The following THEMIS variants were observed in gnomAD, a reference collection of about 807,000 sequenced individuals.
THEMIS encodes the protein thymocyte selection associated.
THEMIS carries 37 observed loss-of-function variants against 52.6 expected under a neutral mutation model. That is an observed-to-expected ratio of 0.70 (90% CI 0.54 to 0.93). The LOEUF is 0.93. Among genes scored for constraint, THEMIS ranks in the 40% least tolerant of loss-of-function variants. The pLI is 0.00. For missense variants in THEMIS, 808 were observed against 763.1 expected, an observed-to-expected ratio of 1.06 and a Z score of -0.69; for synonymous variants, 292 against 272.7, an observed-to-expected ratio of 1.07 and a Z score of -0.70.
At chr6:127,721,879 T>G (rs142494276) in intron 4 of THEMIS, among the ~76,000 whole-genome samples, 13 of 152,156 alleles carry the variant, frequency 8.5e-5, no homozygotes, top group Admixed American at 3.9e-4. Flanking sequence ...TCATGTTTGT[T>G]CATACCAAAT....
chr6:127,716,729 T>G (rs143842648), intron 5 of THEMIS, among the ~76,000 whole-genome samples: 1 of 151,672 alleles, frequency 6.6e-6, no homozygotes, highest in Non-Finnish European at 1.5e-5. Context: ...TGAAAACATT[T>G]CCACTTAACA....
chr6:127,790,435 A>G (rs967353455), intron 4 of THEMIS, among the ~76,000 whole-genome samples: 3 of 152,252 alleles, frequency 2.0e-5, no homozygotes, highest in African/African-American at 7.2e-5. Context: ...TTTATTTTAA[A>G]TAATGACATT....
At chr6:127,872,299 T>G (rs1780180718) in intron 1 of THEMIS, among the ~76,000 whole-genome samples, 1 of 151,924 alleles carries the variant, frequency 6.6e-6, no homozygotes, top group Non-Finnish European at 1.5e-5. Flanking sequence ...ACGCTGGGAG[T>G]GGTGGCTCAC....
chr6:127,764,100 C>A (rs757921565), intron 4 of THEMIS, among the ~76,000 whole-genome samples: 3 of 151,888 alleles, frequency 2.0e-5, no homozygotes, highest in African/African-American at 7.2e-5. Flanking sequence ...CAAGATATTT[C>A]GTATCAGAAA....
chr6:127,766,129 C>T lies in THEMIS; in HGVS notation c.1759-46306G>A, dbSNP rs183944366. On this transcript the variant is annotated intron_variant, in intron 4 of 5. Coordinates refer to ENST00000368248, the MANE Select transcript of THEMIS (RefSeq NM_001010923.3). ...ATATTTGAAATCGCTGTCTAATATTCTCTGTCCATGGTGCCTTAATATCAC... is the reference window on the plus strand; with the variant it reads ...ATATTTGAAATCGCTGTCTAATATTTTCTGTCCATGGTGCCTTAATATCAC... Among the ~76,000 whole-genome samples, 45 of 152,224 alleles carry T rather than the reference C, an allele frequency of 3.0e-4. 1 individual carries two copies. Among genetic ancestry groups the T allele is most frequent in the Admixed American group, 2.8e-3 (42 of 15,272 alleles).
intron 3 of THEMIS, 124 bp from the exon 4 acceptor site, chr6:127,814,055 T>G: frequency 1.2e-6 from 1 of 814,606 alleles, no homozygotes; most frequent in Non-Finnish European, 1.8e-6. Context: ...TCATCATATA[T>G]CATTTCTTAT....
intron 1 of THEMIS, among the ~76,000 whole-genome samples, chr6:127,865,196 A>G (rs542585683): frequency 9.2e-5 from 14 of 152,296 alleles, no homozygotes; most frequent in Non-Finnish European, 1.9e-4. Context: ...GGTGAAAAAC[A>G]AAACAAACAA....
At chr6:127,710,166 GA>G (rs77155033) in intron 5 of THEMIS, 150 bp from the exon 6 acceptor site, 40,856 of 335,570 alleles carry the variant, frequency 0.12, 338 homozygotes, top group Middle Eastern at 0.14. Flanking sequence ...GCAAAATAAA[GA>G]AAAAAAAAAA....
rs559517661 is a variant in THEMIS, at chr6:127,824,302, T to C, written c.709+5174A>G. ...CTGTAAGTGGGAGTGGTGAGATCTT[T>C]AGCTCTGTCCCCACGTAGCTCCAAT... On this transcript the variant is annotated intron_variant, in intron 3 of 5. Transcript: ENST00000368248. 2.0e-5 allele frequency among the ~76,000 whole-genome samples: 3 copies of C among 152,218 alleles called. No individual in the cohort carries two copies. In the South Asian group the frequency reaches 6.2e-4, roughly 32 times the overall value.
intron 1 of THEMIS, among the ~76,000 whole-genome samples, chr6:127,876,447 G>C (rs1243215032): frequency 6.6e-6 from 1 of 152,180 alleles, no homozygotes; most frequent in East Asian, 1.9e-4. Flanking sequence ...CTTAAACAGA[G>C]ATGGTCCTGT....
upstream of THEMIS, among the ~76,000 whole-genome samples, chr6:127,902,048 G>C (rs1294993850): frequency 1.3e-5 from 2 of 151,946 alleles, no homozygotes; most frequent in African/African-American, 4.8e-5. Flanking sequence ...GTTGAGGCTG[G>C]GTACGGTGGC....
chr6:127,730,962 T>C (rs1250766235), intron 4 of THEMIS, among the ~76,000 whole-genome samples: 3 of 152,172 alleles, frequency 2.0e-5, no homozygotes, highest in Non-Finnish European at 2.9e-5. Flanking sequence ...CATGAGATGA[T>C]TAGCAAATTT....
intron 1 of THEMIS, among the ~76,000 whole-genome samples, chr6:127,874,947 G>A (rs1306510847): frequency 6.6e-6 from 1 of 152,232 alleles, no homozygotes; most frequent in Non-Finnish European, 1.5e-5. Flanking sequence ...AGCCAGCAAA[G>A]CTGAGCTTCA....
chr6:127,854,511 A>G (rs543077256), intron 2 of THEMIS, among the ~76,000 whole-genome samples: 1 of 151,912 alleles, frequency 6.6e-6, no homozygotes, highest in African/African-American at 2.4e-5. Context: ...GAGGGTCAGC[A>G]AAAGTCTTCT....
At chr6:127,716,703 G>A (rs1230609555) in intron 5 of THEMIS, among the ~76,000 whole-genome samples, 1 of 151,924 alleles carries the variant, frequency 6.6e-6, no homozygotes, top group Non-Finnish European at 1.5e-5. Context: ...GGAACTGGAT[G>A]CAACAAATAG....
chr6:127,823,624 T>C (rs2114641971), intron 3 of THEMIS, among the ~76,000 whole-genome samples: 1 of 152,206 alleles, frequency 6.6e-6, no homozygotes, highest in Non-Finnish European at 1.5e-5. Flanking sequence ...TTTTATAAAC[T>C]AATGAAAATT....
At chr6:127,908,576 G>A (rs1159517344) in intron 1 of THEMIS, among the ~76,000 whole-genome samples, 4 of 152,076 alleles carry the variant, frequency 2.6e-5, no homozygotes, top group Admixed American at 6.6e-5. Flanking sequence ...TATGAATTAT[G>A]CCCTGACATT....
chr6:127,822,311 AT>A (rs1367974137), intron 3 of THEMIS, among the ~76,000 whole-genome samples: 1 of 151,976 alleles, frequency 6.6e-6, no homozygotes, highest in African/African-American at 2.4e-5. Context: ...TCTGCAAATT[AT>A]TTTTTTAAAT....
chr6:127,836,650 A>G (rs1778882655), intron 2 of THEMIS, among the ~76,000 whole-genome samples: 1 of 152,164 alleles, frequency 6.6e-6, no homozygotes, highest in Admixed American at 6.5e-5. Context: ...TTCTAAATTC[A>G]CCAGTATATA....
Sources: allele counts gnomAD v4.1 joint callset (sites outside exome capture counted in the v4.1 genomes callset), GRCh38; gene constraint gnomAD v4.1.1; transcripts MANE v1.5; gene names NCBI Gene and HGNC (gene_info 2026-07-23, HGNC 2026-07-21).